The following GM2A variants were observed in gnomAD, a reference collection of about 807,000 sequenced individuals.
GM2A encodes the protein ganglioside GM2 activator, also known as GM2 ganglioside activator.
GM2A carries 7 observed loss-of-function variants against 12.9 expected under a neutral mutation model. The observed-to-expected ratio is 0.54, with a 90% CI of 0.31 to 1.02. The LOEUF (loss-of-function observed/expected upper bound fraction) is 1.02. Ranked by LOEUF, GM2A falls within the 50% of genes least tolerant of loss-of-function variation. GM2A has a pLI of 0.05. For synonymous variants in GM2A, 101 were observed against 96.0 expected, an observed-to-expected ratio of 1.05 and a Z score of -0.30; for missense variants, 246 against 241.0, an observed-to-expected ratio of 1.02 and a Z score of -0.14.
chr5:151,254,653 C>G (rs1379323620), intron 1 of GM2A, among the ~76,000 whole-genome samples: 1 of 152,210 alleles, frequency 6.6e-6, no homozygotes, highest in African/African-American at 2.4e-5. Flanking sequence ...TACAGCTAAC[C>G]TGAGAATCAT....
intron 1 of GM2A, among the ~76,000 whole-genome samples, chr5:151,256,742 A>C (rs548446945): frequency 1.9e-4 from 29 of 152,308 alleles, no homozygotes; most frequent in Admixed American, 9.1e-4. Flanking sequence ...ATTACTGTTA[A>C]CTGAATTCTA....
At chr5:151,266,175 C>T (rs1753881683) in intron 2 of GM2A, among the ~76,000 whole-genome samples, 1 of 152,048 alleles carries the variant, frequency 6.6e-6, no homozygotes, top group Admixed American at 6.5e-5. Context: ...GTAGTGACTA[C>T]CTAAAGAATT....
chr5:151,257,118 T>G (rs1753704577), intron 1 of GM2A, among the ~76,000 whole-genome samples: 2 of 152,188 alleles, frequency 1.3e-5, no homozygotes, highest in African/African-American at 4.8e-5. Context: ...CCCATATCTC[T>G]GCCTCCAGAG....
intron 1 of GM2A, among the ~76,000 whole-genome samples, chr5:151,257,634 GCAACCT>G (rs1753716222): frequency 6.6e-6 from 1 of 152,112 alleles, no homozygotes; most frequent in African/African-American, 2.4e-5. Context: ...TATAGTAAAT[GCAACCT>G]CCCGATTATA....
Position 151,265,588 on chromosome 5 carries a change from G to A in GM2A, c.244-1143G>A, listed in dbSNP as rs139521959. ...TTTTCCCTTGATACCTTTGGTGGGT[G>A]ATGGACATGGTTCTAAAGCCAACTC... On this transcript the variant is annotated intron_variant, in intron 2 of 3. Transcript: ENST00000357164. Among the ~76,000 whole-genome samples, 44 of 152,322 alleles carry A rather than the reference G, an allele frequency of 2.9e-4. 1 individual carries two copies. The East Asian group carries it at 7.3e-3, about 25-fold the overall frequency.
rs61740602 is a variant in GM2A, at chr5:151,267,327, T to C, written c.458T>C (p.Val153Ala). The C allele has an allele frequency of 0.088, 142,253 of 1,613,900 alleles. 6,985 individuals are homozygous for C. Among genetic ancestry groups the C allele is most frequent in the Middle Eastern group, 0.14 (858 of 6,062 alleles). Residue 153 changes from valine to alanine, a missense_variant, in exon 4 of 4, where the codon GTT becomes GCT. Coordinates refer to ENST00000357164, the MANE Select transcript of GM2A (RefSeq NM_000405.5). ...GTYSLPKSEF[V>A]VPDLELPSWL... ...TACTCACTGCCCAAGAGCGAATTCG[T>C]TGTGCCTGACCTGGAGCTGCCCAGT... is the stretch of plus-strand genomic sequence containing the variant.
chr5:151,270,299 AGAAGGAAACGTG>A lies in GM2A; in HGVS notation c.*2850_*2861del. ...TAAGAAAATGAAGCCATATAAATAC[AGAAGGAAACGTG>A]GTGGAAATATCCAGTGGCAACAAAA... On this transcript the variant is annotated 3_prime_UTR_variant, in exon 4 of 4. Coordinates refer to ENST00000357164, the MANE Select transcript of GM2A (RefSeq NM_000405.5). The A allele has an allele frequency of 4.9e-6, 2 of 406,556 alleles. No individual in the cohort carries two copies. The highest frequency in any genetic ancestry group is 8.6e-6 in the Non-Finnish European group (2 of 233,310). The allele number at this position is 406,556 out of a possible 1,614,324, so 25.2% of individuals were successfully genotyped here.
Position 151,267,634 on chromosome 5 carries a change from G to C in GM2A, c.*183G>C, listed in dbSNP as rs941997001. ...ATTTTAGGCTGGGGCAAGCAGCCCT[G>C]ACCTAAGGGAGAATGAGTTGGACAG... On this transcript the variant is annotated 3_prime_UTR_variant, in exon 4 of 4. Transcript: ENST00000357164. 2.0e-6 allele frequency: 3 copies of C among 1,516,008 alleles called. No homozygotes were observed. In the African/African-American group the frequency reaches 4.1e-5, roughly 21 times the overall value. The allele number at this position is 1,516,008 out of a possible 1,614,324, so 93.9% of individuals were successfully genotyped here. A position where few individuals can be genotyped will look rare whatever the true frequency, so the allele number is the denominator to read the frequency against.
chr5:151,259,877 C>A lies in GM2A; in HGVS notation c.204C>A (p.Val68=), dbSNP rs776214439. The A allele has an allele frequency of 6.2e-7, 1 of 1,613,726 alleles. No homozygotes were observed. Among genetic ancestry groups the A allele is most frequent in the Admixed American group, 1.7e-5 (1 of 60,012 alleles). Residue 68 remains valine, a synonymous_variant, in exon 2 of 4, where the codon GTC becomes GTA. Transcript: ENST00000357164. ...IIVPGNVTLS[V]MGSTSVPLSS... ...TTCCTGGAAATGTGACCCTCAGTGT[C>A]ATGGGCAGCACCAGTGTCCCCCTGA...
intron 2 of GM2A, among the ~76,000 whole-genome samples, chr5:151,263,566 G>A (rs550689641): frequency 5.9e-5 from 9 of 152,182 alleles, no homozygotes; most frequent in Non-Finnish European, 1.2e-4. Context: ...GCATGGACAA[G>A]GCTGGTATGT....
chr5:151,267,219 A>C lies in GM2A; in HGVS notation c.427-77A>C, dbSNP rs2075783. 0.27 allele frequency: 430,424 copies of C among 1,589,246 alleles called. 62,073 individuals carry two copies. Among genetic ancestry groups the C allele is most frequent in the Admixed American group, 0.46 (27,308 of 58,848 alleles). On this transcript the variant is annotated intron_variant, in intron 3 of 3. Coordinates refer to ENST00000357164, the MANE Select transcript of GM2A (RefSeq NM_000405.5). ...AAGAGGGGTGGTAGTTCATGGCTGC[A>C]ATCCTAGCAGTGGCTCTAGGAGAAA... is the stretch of plus-strand genomic sequence containing the variant.
Position 151,270,119 on chromosome 5 carries a change from G to A in GM2A, c.*2668G>A, listed in dbSNP as rs1386715976. On this transcript the variant is annotated 3_prime_UTR_variant, in exon 4 of 4. Transcript: ENST00000357164. ...GTGAGGTTTCTTAGGGGTGGGGGAT[G>A]AGGAGTTAAAGGTGGCATCTTCAAT... 8.1e-7 allele frequency: 1 copy of A among 1,231,246 alleles called. No individual in the cohort carries two copies. Among genetic ancestry groups the A allele is most frequent in the East Asian group, 3.2e-5 (1 of 31,694 alleles). The allele number at this position is 1,231,246 out of a possible 1,614,324, so 76.3% of individuals were successfully genotyped here.
chr5:151,267,081 C>T (rs759234475), intron 3 of GM2A, 168 bp downstream of exon 3: 49 of 847,932 alleles, frequency 5.8e-5, no homozygotes, highest in South Asian at 1.7e-4. Context: ...TATCCATCTA[C>T]GAAATGGGAG....
Position 151,266,707 on chromosome 5 carries a change from CTTTGT to C in GM2A, c.244-20_244-16del. 6.2e-7 allele frequency: 1 copy of C among 1,600,290 alleles called. No homozygotes were observed. The highest frequency in any genetic ancestry group is 8.6e-7 in the Non-Finnish European group (1 of 1,168,168). The stretch of plus-strand genomic sequence containing the variant: ...TTTACACTTATAACCTTTTTCAAAC[CTTTGT>C]TTTATTTTTTTTTACCAGGTGGATT... On this transcript the variant is annotated intron_variant, in intron 2 of 3. Transcript: ENST00000357164.
intron 2 of GM2A, 34 bp downstream of exon 2, chr5:151,259,950 C>A: frequency 1.9e-6 from 3 of 1,588,282 alleles, no homozygotes; most frequent in South Asian, 1.1e-5. Context: ...AGGGGAGGTG[C>A]GAGGGTCTGG....
chr5:151,264,767 G>A (rs1332544810), intron 2 of GM2A, among the ~76,000 whole-genome samples: 4 of 152,150 alleles, frequency 2.6e-5, no homozygotes, highest in Non-Finnish European at 5.9e-5. Context: ...ATCATTTGAA[G>A]TCAGGAGTTT....
chr5:151,259,705 T>G, intron 1 of GM2A, 50 bp from the exon 2 acceptor site: 8 of 1,579,248 alleles, frequency 5.1e-6, no homozygotes, highest in Non-Finnish European at 7.0e-6. Flanking sequence ...GATAGTTTCT[T>G]TTGTCAACCT....
Position 151,259,634 on chromosome 5 carries a change from A to G in GM2A, c.82-121A>G, listed in dbSNP as rs993224658. 9.9e-6 allele frequency: 8 copies of G among 806,646 alleles called. No individual in the cohort carries two copies. In the Admixed American group the frequency reaches 1.2e-4, roughly 12 times the overall value. The allele number at this position is 806,646 out of a possible 1,614,324, so 50.0% of individuals were successfully genotyped here. The stretch of plus-strand genomic sequence containing the variant: ...GTATGGAGTCTCATAGATGAGGCTC[A>G]GGGACGGGGGTGCCTCACCCAAGGT... On this transcript the variant is annotated intron_variant, in intron 1 of 3. Transcript: ENST00000357164.
At chr5:151,267,178 C>A in intron 3 of GM2A, 118 bp from the exon 4 acceptor site, 1 of 1,312,084 alleles carries the variant, frequency 7.6e-7, no homozygotes, top group Non-Finnish European at 1.1e-6. Context: ...TCTTGTGCGG[C>A]TGTTTTGAGA....
Sources: gnomAD v4.1 joint callset for allele counts (sites outside exome capture counted in the v4.1 genomes callset) on GRCh38, gnomAD v4.1.1 for gene constraint, MANE v1.5 for transcripts, NCBI Gene and HGNC (gene_info 2026-07-23, HGNC 2026-07-21) for gene names.